PSMD1: variants seen among roughly 807,000 people sequenced by gnomAD.
The protein encoded by PSMD1 is 26S proteasome non-ATPase regulatory subunit 1.
PSMD1 carries 18 observed loss-of-function variants against 119.0 expected under a neutral mutation model. That is an observed-to-expected ratio of 0.15 (90% confidence interval 0.10 to 0.22). PSMD1 has a LOEUF of 0.22. PSMD1 is among the 10% of genes least tolerant of loss of function. The pLI, the probability that PSMD1 is intolerant of heterozygous loss-of-function variation, is 1.00. For missense variants in PSMD1, 702 were observed against 1,158.5 expected, an observed-to-expected ratio of 0.61 and a Z score of 5.72; for synonymous variants, 374 against 396.6, an observed-to-expected ratio of 0.94 and a Z score of 0.68.
intron 16 of PSMD1, among the ~76,000 whole-genome samples, chr2:231,110,519 A>C (rs927450644): frequency 6.6e-6 from 1 of 152,234 alleles, no homozygotes; most frequent in South Asian, 2.1e-4. Flanking sequence ...ATTGATCTTT[A>C]GAAACCTCTG....
chr2:231,080,456 G>GT, intron 12 of PSMD1, 142 bp downstream of exon 12: 1 of 680,892 alleles, frequency 1.5e-6, no homozygotes, highest in South Asian at 2.3e-5. Context: ...TTTTTTTTAG[G>GT]TAATTTCATT....
At chr2:231,116,795 G>C (rs1442644826) in intron 16 of PSMD1, among the ~76,000 whole-genome samples, 1 of 152,024 alleles carries the variant, frequency 6.6e-6, no homozygotes, top group Non-Finnish European at 1.5e-5. Flanking sequence ...ATGTGATACA[G>C]AATTTTCTTT....
At chr2:231,060,976 G>C (rs1011309604) in intron 1 of PSMD1, among the ~76,000 whole-genome samples, 5 of 152,190 alleles carry the variant, frequency 3.3e-5, no homozygotes, top group Admixed American at 3.3e-4. Context: ...GGCCGAGAAT[G>C]TGTATTTCTA....
intron 17 of PSMD1, among the ~76,000 whole-genome samples, chr2:231,143,387 G>A (rs1027603903): frequency 2.0e-5 from 3 of 152,068 alleles, no homozygotes; most frequent in Non-Finnish European, 4.4e-5. Context: ...CCACCACCAC[G>A]CCCAGCTAAT....
chr2:231,107,880 A>G (rs1362664568), intron 16 of PSMD1, among the ~76,000 whole-genome samples: 1 of 152,254 alleles, frequency 6.6e-6, no homozygotes, highest in Non-Finnish European at 1.5e-5. Flanking sequence ...TGTGCTGAGT[A>G]GAAGCTCAAT....
At chr2:231,075,452 T>G in intron 7 of PSMD1, 59 bp from the exon 8 acceptor site, 1 of 1,444,488 alleles carries the variant, frequency 6.9e-7, no homozygotes, top group Non-Finnish European at 9.7e-7. Flanking sequence ...GGTTCAGATC[T>G]GTGGTATAAA....
At chr2:231,064,309 C>T (rs1323465899) in intron 4 of PSMD1, among the ~76,000 whole-genome samples, 1 of 152,130 alleles carries the variant, frequency 6.6e-6, no homozygotes, top group Non-Finnish European at 1.5e-5. Flanking sequence ...AACAGTACCT[C>T]CAGAAAATCC....
chr2:231,143,644 C>G (rs1195353235), intron 17 of PSMD1, among the ~76,000 whole-genome samples: 2 of 152,166 alleles, frequency 1.3e-5, no homozygotes, highest in East Asian at 3.8e-4. Context: ...GTATAAACAA[C>G]AGTTGAGTGG....
At chr2:231,058,427 C>T (rs1693665627) in intron 1 of PSMD1, among the ~76,000 whole-genome samples, 1 of 152,044 alleles carries the variant, frequency 6.6e-6, no homozygotes, top group Non-Finnish European at 1.5e-5. Flanking sequence ...CCAGTGCTTA[C>T]ATTGTGTTTA....
intron 5 of PSMD1, among the ~76,000 whole-genome samples, chr2:231,067,839 T>TA (rs1195627856): frequency 6.6e-6 from 1 of 152,044 alleles, no homozygotes; most frequent in Non-Finnish European, 1.5e-5. Context: ...GTATTTTTAG[T>TA]AGAGTTGGGG....
At chr2:231,074,865 A>G (rs549055960) in intron 7 of PSMD1, among the ~76,000 whole-genome samples, 5 of 152,062 alleles carry the variant, frequency 3.3e-5, no homozygotes, top group East Asian at 3.9e-4. Flanking sequence ...TCCTTTCTCC[A>G]TTGCCCAGGC....
At chr2:231,099,684 T>C (rs1341223228) in intron 16 of PSMD1, among the ~76,000 whole-genome samples, 1 of 152,176 alleles carries the variant, frequency 6.6e-6, no homozygotes, top group East Asian at 1.9e-4. Flanking sequence ...ATTTCCCCAC[T>C]GGAAATGTCT....
At chr2:231,155,538 G>A (rs1293900013) in intron 19 of PSMD1, among the ~76,000 whole-genome samples, 1 of 150,676 alleles carries the variant, frequency 6.6e-6, no homozygotes, top group East Asian at 1.9e-4. Flanking sequence ...TTTCTAATTT[G>A]ATTAATCCTT....
intron 17 of PSMD1, among the ~76,000 whole-genome samples, chr2:231,144,668 C>T (rs947375929): frequency 6.6e-6 from 1 of 152,092 alleles, no homozygotes; most frequent in African/African-American, 2.4e-5. Flanking sequence ...CCCACTTTGG[C>T]CTCACAAAGT....
At chr2:231,166,718 A>G (rs1696795214) in intron 23 of PSMD1, among the ~76,000 whole-genome samples, 2 of 152,216 alleles carry the variant, frequency 1.3e-5, no homozygotes, top group South Asian at 4.1e-4. Flanking sequence ...CAAGACATCC[A>G]GATGCTAGAT....
rs969155467 is a variant in PSMD1, at chr2:231,056,919, C to A, written c.-107C>A. 2.1e-6 allele frequency: 3 copies of A among 1,455,356 alleles called. No homozygotes were observed. Among genetic ancestry groups the A allele is most frequent in the South Asian group, 2.4e-5 (2 of 82,180 alleles). The allele number at this position is 1,455,356 out of a possible 1,614,324, so 90.2% of individuals were successfully genotyped here. On this transcript the variant is annotated 5_prime_UTR_variant, in exon 1 of 25. Transcript: ENST00000308696. Reference sequence around the variant, plus strand: ...TGAGGAGGCGACTGACTGAGCAGCGCACCCGGGGAGCAAGGAGGCGCGGTG... The same window carrying A: ...TGAGGAGGCGACTGACTGAGCAGCGAACCCGGGGAGCAAGGAGGCGCGGTG...
At chr2:231,117,899 T>A (rs983926306) in intron 16 of PSMD1, among the ~76,000 whole-genome samples, 5 of 152,252 alleles carry the variant, frequency 3.3e-5, no homozygotes, top group African/African-American at 1.2e-4. Flanking sequence ...CTCTGAACAG[T>A]TACATGGGGT....
chr2:231,076,559 C>T (rs569319911), intron 8 of PSMD1, among the ~76,000 whole-genome samples: 7 of 151,858 alleles, frequency 4.6e-5, no homozygotes, highest in Non-Finnish European at 8.8e-5. Flanking sequence ...CCCAGGTACT[C>T]GGGAGAATTG....
intron 16 of PSMD1, chr2:231,113,902 A>G: frequency 6.2e-7 from 1 of 1,614,150 alleles, no homozygotes; most frequent in South Asian, 1.1e-5. Context: ...GGCAGGACAT[A>G]GAACAAGTGG....
Sources: allele counts gnomAD v4.1 joint callset (sites outside exome capture counted in the v4.1 genomes callset), GRCh38; gene constraint gnomAD v4.1.1; transcripts MANE v1.5; gene names NCBI Gene and HGNC (gene_info 2026-07-23, HGNC 2026-07-21).